The following MYO6 variants were observed in gnomAD, a reference collection of about 807,000 sequenced individuals.
MYO6 encodes unconventional myosin-VI.
Under a neutral mutation model 178.7 loss-of-function variants are expected in MYO6, and 74 were observed. That is an observed-to-expected ratio of 0.41 (90% CI 0.34 to 0.50). MYO6 has a LOEUF of 0.50. MYO6 is among the 20% of genes least tolerant of loss of function. The pLI is 0.09. For synonymous variants in MYO6, 477 were observed against 504.6 expected (o/e 0.95, Z 0.73); for missense variants, 1,330 against 1,547.4 (o/e 0.86, Z 2.36).
intron 7 of MYO6, among the ~76,000 whole-genome samples, chr6:75,838,965 T>C (rs1773933900): frequency 6.6e-6 from 1 of 151,290 alleles, no homozygotes; most frequent in African/African-American, 2.4e-5. Flanking sequence ...TGGCTGACCA[T>C]GTTGGCTTCA....
intron 23 of MYO6, among the ~76,000 whole-genome samples, 195 bp from the exon 24 acceptor site, chr6:75,885,809 G>C (rs1409842421): frequency 1.3e-5 from 2 of 152,136 alleles, no homozygotes; most frequent in Admixed American, 6.5e-5. Context: ...TTGCACTCCA[G>C]CCTGGGTTGA....
At chr6:75,808,316 AGCCTTTTCTCTGTGTGTTCCCTTG>A (rs1430807043) in intron 1 of MYO6, among the ~76,000 whole-genome samples, 1 of 152,198 alleles carries the variant, frequency 6.6e-6, no homozygotes. Context: ...TATAGATGGC[AGCCTTTTCTCTGTGTGTTCCCTTG>A]GCCTTTCCAT....
chr6:75,883,836 C>T (rs139899690), intron 23 of MYO6, among the ~76,000 whole-genome samples: 12 of 152,066 alleles, frequency 7.9e-5, no homozygotes, highest in Admixed American at 3.9e-4. Flanking sequence ...AAGGATCCAG[C>T]GAATTTTTCC....
At chr6:75,757,078 T>C (rs921240502) in intron 1 of MYO6, among the ~76,000 whole-genome samples, 4 of 145,976 alleles carry the variant, frequency 2.7e-5, no homozygotes, top group Non-Finnish European at 6.1e-5. Context: ...ATATAGTGTG[T>C]ATATATATGT....
rs1395507761 is a variant in MYO6 at position 75,892,559 on chromosome 6, G to C, written c.2976G>C (p.Gln992His). 1 of 1,613,830 alleles carries C rather than the reference G, an allele frequency of 6.2e-7. No homozygotes were observed. Among genetic ancestry groups the C allele is most frequent in the Admixed American group, 1.7e-5 (1 of 60,004 alleles). ...QAEVEAQLAR[Q>H]KEEESQQQAV... Reference sequence around the variant, plus strand: ...AAGTGGAGGCACAGCTGGCCCGACAGAAGGAGGAGGAATCCCAACAGCAAG... The same window carrying C: ...AAGTGGAGGCACAGCTGGCCCGACACAAGGAGGAGGAATCCCAACAGCAAG... The change falls in exon 28 of 35, where the codon CAG (glutamine) becomes CAC (histidine). Residue 992 changes from glutamine to histidine, a missense_variant. By Grantham distance (24) the Gln-to-His change is conservative. Coordinates refer to ENST00000369977, the MANE Select transcript of MYO6 (RefSeq NM_004999.4).
Position 75,917,696 on chromosome 6 carries a change from A to G in MYO6, c.*2684A>G, listed in dbSNP as rs1781193630. ...TTCTTGTGAACCATTTTGTTTTGCA[A>G]GCAACCAAGGAAAGAACATCTTAAG... is the stretch of plus-strand genomic sequence containing the variant. On this transcript the variant is annotated 3_prime_UTR_variant, in exon 35 of 35. Coordinates refer to ENST00000369977, the MANE Select transcript of MYO6 (RefSeq NM_004999.4). 6.6e-6 allele frequency: 1 copy of G among 152,614 alleles called. No individual in the cohort carries two copies. The highest frequency in any genetic ancestry group is 1.5e-5 in the Non-Finnish European group (1 of 68,042). 9.5% of individuals were successfully genotyped at this position (152,614 alleles called of 1,614,324 possible).
chr6:75,825,648 T>C (rs1772391955), intron 3 of MYO6, among the ~76,000 whole-genome samples: 1 of 152,182 alleles, frequency 6.6e-6, no homozygotes. Context: ...TCAGTCTCTT[T>C]TTCTGTAATG....
intron 28 of MYO6, chr6:75,894,828 C>G (rs181080677): frequency 6.6e-7 from 1 of 1,517,810 alleles, no homozygotes; most frequent in African/African-American, 1.4e-5. Context: ...GATTCCTATC[C>G]GGTAACTTCT....
rs1428316860 is a variant in MYO6 at position 75,917,732 on chromosome 6, G to A, written c.*2720G>A. 6.6e-6 allele frequency: 1 copy of A among 152,642 alleles called. No homozygotes were observed. Among genetic ancestry groups the A allele is most frequent in the Non-Finnish European group, 1.5e-5 (1 of 68,042 alleles). The allele number at this position is 152,642 out of a possible 1,614,324, so 9.5% of individuals were successfully genotyped here. On this transcript the variant is annotated 3_prime_UTR_variant, in exon 35 of 35. Transcript: ENST00000369977. ...AAAGAACATCTTAAGTGGAAAATCA[G>A]TGGTGGTTGTGAACACTTAGAGAAT...
chr6:75,909,744 TTG>T (rs1457677771), intron 32 of MYO6, among the ~76,000 whole-genome samples: 3 of 152,192 alleles, frequency 2.0e-5, no homozygotes, highest in Admixed American at 2.0e-4. Context: ...ATTCAATATT[TTG>T]TGTGTTTTTT....
intron 3 of MYO6, among the ~76,000 whole-genome samples, chr6:75,827,469 A>C (rs1772600633): frequency 6.6e-6 from 1 of 152,224 alleles, no homozygotes; most frequent in African/African-American, 2.4e-5. Context: ...CTCTGATCAG[A>C]CATGAATTTG....
intron 14 of MYO6, 68 bp downstream of exon 14, chr6:75,859,061 G>C (rs1038272671): frequency 9.5e-7 from 1 of 1,050,396 alleles, no homozygotes; most frequent in Admixed American, 2.0e-5. Context: ...GAAGAGATAT[G>C]CTGCAGTTAC....
chr6:75,759,706 C>T (rs529244806), intron 1 of MYO6, among the ~76,000 whole-genome samples: 1 of 152,088 alleles, frequency 6.6e-6, no homozygotes, highest in African/African-American at 2.4e-5. Flanking sequence ...TTCCTTGGTA[C>T]ATTTTAAAAA....
chr6:75,892,833 A>C, intron 28 of MYO6, 143 bp downstream of exon 28: 1 of 851,166 alleles, frequency 1.2e-6, no homozygotes, highest in Non-Finnish European at 1.8e-6. Context: ...TTTTAAAATT[A>C]TTTGTATCGA....
Position 75,800,386 on chromosome 6 carries a change from C to T in MYO6, c.-47-17115C>T, listed in dbSNP as rs1184284988. Among the ~76,000 whole-genome samples the T allele has an allele frequency of 2.6e-5, 4 of 152,112 alleles. No individual in the cohort carries two copies. The East Asian group carries it at 5.8e-4, about 22-fold the overall frequency. On this transcript the variant is annotated intron_variant, in intron 1 of 34. Coordinates refer to ENST00000369977, the MANE Select transcript of MYO6 (RefSeq NM_004999.4). Reference sequence around the variant, plus strand: ...AGGGCCTTCAGTTACAAGTGGATGTCCTTAATGTATTTTCAGTATTTCACA... The same window carrying T: ...AGGGCCTTCAGTTACAAGTGGATGTTCTTAATGTATTTTCAGTATTTCACA...
chr6:75,776,738 C>G (rs980878903), intron 1 of MYO6, among the ~76,000 whole-genome samples: 5 of 151,276 alleles, frequency 3.3e-5, no homozygotes, highest in African/African-American at 7.3e-5. Context: ...GTCTCAAATT[C>G]CTGGCCTCAA....
At chr6:75,905,251 C>T (rs1306402896) in intron 30 of MYO6, among the ~76,000 whole-genome samples, 1 of 152,252 alleles carries the variant, frequency 6.6e-6, no homozygotes, top group Non-Finnish European at 1.5e-5. Context: ...TGATGCTTCC[C>T]AGTTGGAGCT....
At chr6:75,818,073 T>C (rs1771466201) in intron 2 of MYO6, among the ~76,000 whole-genome samples, 1 of 152,256 alleles carries the variant, frequency 6.6e-6, no homozygotes, top group South Asian at 2.1e-4. Context: ...AATGTGGAGA[T>C]ATCAGATTTT....
chr6:75,898,300 C>A (rs964323114), intron 29 of MYO6, 73 bp from the exon 30 acceptor site: 5 of 969,748 alleles, frequency 5.2e-6, no homozygotes, highest in Non-Finnish European at 8.0e-6. Flanking sequence ...TTTAATTATA[C>A]TTTTAGATCT....
Sources: gnomAD v4.1 joint callset for allele counts (sites outside exome capture counted in the v4.1 genomes callset) on GRCh38, gnomAD v4.1.1 for gene constraint, MANE v1.5 for transcripts, NCBI Gene and HGNC (gene_info 2026-07-23, HGNC 2026-07-21) for gene names.